Variants in PRR12 observed in about 807,000 individuals in gnomAD.
PRR12 encodes proline-rich protein 12.
PRR12 carries 12 observed loss-of-function variants against 138.0 expected under a neutral mutation model. The observed-to-expected ratio is 0.09, with a 90% CI of 0.06 to 0.14. PRR12 has a LOEUF of 0.14. PRR12 is among the 10% of genes least tolerant of loss of function. The pLI is 1.00. For missense variants in PRR12, 2,692 were observed against 2,861.3 expected (o/e 0.94, Z 1.35); for synonymous variants, 1,567 against 1,291.7 (o/e 1.21, Z -4.57).
At chr19:49,606,353 C>G (rs1482735336) in intron 6 of PRR12, among the ~76,000 whole-genome samples, 1 of 151,100 alleles carries the variant, frequency 6.6e-6, no homozygotes, top group African/African-American at 2.4e-5. Flanking sequence ...AGTCTGTCTC[C>G]CAGGGTGGAG....
In PRR12 at chr19:49,597,279, C is replaced by T. The variant is rs887263382; in HGVS notation, c.2944C>T (p.Pro982Ser). 2 of 1,564,728 alleles carry T rather than the reference C, an allele frequency of 1.3e-6. No homozygotes were observed. Among genetic ancestry groups the T allele is most frequent in the South Asian group, 1.2e-5 (1 of 85,330 alleles). ...CCCCAAGGCTGGCGCTGGGCCACCC[C>T]CCGGCCCCCCTGCTTATGATCCCTA... ...GDPKAGAGPP[P>S]GPPAYDPYGP... Residue 982 changes from proline to serine, a missense_variant, in exon 4 of 14, where the codon CCC becomes TCC. Pro to Ser is a moderately conservative substitution (Grantham distance 74). Transcript: ENST00000418929. The surrounding 1 kb of genome is among the most constrained non-coding windows in gnomAD (Gnocchi z 6.3).
rs181265966 is a variant in PRR12, at chr19:49,596,935, G to T, written c.2600G>T (p.Arg867Leu). 1.5e-6 allele frequency: 2 copies of T among 1,321,096 alleles called. No homozygotes were observed. Among genetic ancestry groups the T allele is most frequent in the Non-Finnish European group, 9.9e-7 (1 of 1,010,198 alleles). 81.8% of individuals were successfully genotyped at this position (1,321,096 alleles called of 1,614,324 possible). ...HGLEPAAPSP[R>L]LRPEESLDPP... ...CTGGAGCCCGCGGCCCCCAGCCCCC[G>T]CCTGCGACCCGAGGAGAGCCTGGAT... Residue 867 changes from arginine to leucine, a missense_variant, in exon 4 of 14, where the codon CGC becomes CTC. This residue lies in a region of PRR12 where 840 missense variants were observed against 689.8 expected (regional missense o/e 1.22). Coordinates refer to ENST00000418929, the MANE Select transcript of PRR12 (RefSeq NM_020719.3). This position sits in a 1 kb window ranked among gnomAD's most constrained non-coding sequence, Gnocchi z 5.6.
chr19:49,596,960 T>C lies in PRR12; in HGVS notation c.2625T>C (p.Asp875=). 6.4e-7 allele frequency: 1 copy of C among 1,551,846 alleles called. No homozygotes were observed. The highest frequency in any genetic ancestry group is 8.7e-7 in the Non-Finnish European group (1 of 1,153,588). The change falls in exon 4 of 14, where the codon GAT becomes GAC. Residue 875 remains aspartate (D), a synonymous_variant. Transcript: ENST00000418929. This position sits in a 1 kb window ranked among gnomAD's most constrained non-coding sequence, Gnocchi z 5.6. ...GCCTGCGACCCGAGGAGAGCCTGGATCCGCCAGGCGCCATGCAGGAATTGC... is the reference window on the plus strand; with the variant it reads ...GCCTGCGACCCGAGGAGAGCCTGGACCCGCCAGGCGCCATGCAGGAATTGC... ...SPRLRPEESL[D]PPGAMQELLG... is the part of the protein sequence containing the mutation.
At chr19:49,593,294 A>G (rs2080741402) in intron 1 of PRR12, 33 bp from the exon 2 acceptor site, 1 of 1,057,494 alleles carries the variant, frequency 9.5e-7, no homozygotes, top group Admixed American at 2.2e-5. Flanking sequence ...GGCAGCTTGG[A>G]AGAACCCCCT....
Position 49,591,447 on chromosome 19 carries a change from C to T in PRR12, c.-208C>T, listed in dbSNP as rs1483555973. On this transcript the variant is annotated 5_prime_UTR_variant, in exon 1 of 14. Transcript: ENST00000418929. Reference sequence around the variant, plus strand: ...TTCCTTGGCTCAGCGACTGCACCCCCTCCCTTGCCCGCCCCTCCGCCCCTG... The same window carrying T: ...TTCCTTGGCTCAGCGACTGCACCCCTTCCCTTGCCCGCCCCTCCGCCCCTG... 6.7e-6 allele frequency among the ~76,000 whole-genome samples: 1 copy of T among 149,760 alleles called. No individual in the cohort carries two copies.
chr19:49,599,858 C>T lies in PRR12; in HGVS notation c.4265C>T (p.Pro1422Leu), dbSNP rs377189669. ...AAAGACACTTCCACCCCAGATGGGC[C>T]GCCCTTGGCCCCCGCGGCTGCAGTT... ...GPKDTSTPDG[P>L]PLAPAAAVPG... is the part of the protein sequence containing the mutation. Residue 1422 changes from proline to leucine, a missense_variant, in exon 5 of 14, where the codon CCG becomes CTG. Pro to Leu is a moderately conservative substitution (Grantham distance 98). Around this residue, in one of 11 missense-constraint regions of PRR12, gnomAD observed 231 missense variants for 200.8 expected, o/e 1.15. Coordinates refer to ENST00000418929, the MANE Select transcript of PRR12 (RefSeq NM_020719.3). This position sits in a 1 kb window ranked among gnomAD's most constrained non-coding sequence, Gnocchi z 5.0. 1.8e-4 allele frequency: 290 copies of T among 1,612,994 alleles called. No homozygotes were observed. The highest frequency in any genetic ancestry group is 2.2e-4 in the Non-Finnish European group (254 of 1,179,854).
At chr19:49,591,917 A>G (rs1275940889) in intron 1 of PRR12, among the ~76,000 whole-genome samples, 177 bp downstream of exon 1, 1 of 151,970 alleles carries the variant, frequency 6.6e-6, no homozygotes, top group Non-Finnish European at 1.5e-5. Context: ...GCAAATTGCA[A>G]ACTCCGCCAA....
intron 6 of PRR12, among the ~76,000 whole-genome samples, chr19:49,610,114 A>T (rs2080858293): frequency 6.6e-6 from 1 of 151,860 alleles, no homozygotes; most frequent in South Asian, 2.1e-4. Context: ...AGCTGGGATT[A>T]CAGGCGCCTG....
intron 6 of PRR12, among the ~76,000 whole-genome samples, chr19:49,605,678 C>CCCATT (rs1461997927): frequency 6.6e-6 from 1 of 152,236 alleles, no homozygotes; most frequent in Non-Finnish European, 1.5e-5. Flanking sequence ...TTTGACCATC[C>CCCATT]CCATTTTACA....
intron 2 of PRR12, among the ~76,000 whole-genome samples, 159 bp downstream of exon 2, chr19:49,593,598 G>C (rs1216686745): frequency 6.6e-6 from 1 of 151,888 alleles, no homozygotes; most frequent in African/African-American, 2.4e-5. Flanking sequence ...TGAGGCTGCT[G>C]GTCGCTGCTT....
chr19:49,607,361 G>GCGCA (rs1555742564), intron 6 of PRR12, among the ~76,000 whole-genome samples: 65 of 147,862 alleles, frequency 4.4e-4, no homozygotes, highest in African/African-American at 1.6e-3. Flanking sequence ...ATGTACGTGT[G>GCGCA]CACACACACA....
intron 5 of PRR12, 97 bp downstream of exon 5, chr19:49,600,035 T>TGTATGTGAATGGTGTC: frequency 2.4e-6 from 3 of 1,261,724 alleles, no homozygotes; most frequent in Non-Finnish European, 3.2e-6. Flanking sequence ...AGAGACACCA[T>TGTATGTGAATGGTGTC]TCACATACAT....
rs766362975 is a variant in PRR12, at chr19:49,599,536, C to A, written c.3943C>A (p.Pro1315Thr). The A allele has an allele frequency of 1.3e-5, 21 of 1,596,694 alleles. No individual in the cohort carries two copies. In the African/African-American group the frequency reaches 1.9e-4, roughly 14 times the overall value. The change falls in exon 5 of 14, where the codon CCC becomes ACC. Residue 1315 changes from proline to threonine, a missense_variant. By Grantham distance (38) the Pro-to-Thr change is conservative. Transcript: ENST00000418929. This position sits in a 1 kb window ranked among gnomAD's most constrained non-coding sequence, Gnocchi z 5.0. ...GCTCAGCCCTCCCAAGAGTGTGCCA[C>A]CCTCTGTGCCAGCCCGAGGCCTGCA... is the stretch of plus-strand genomic sequence containing the variant. ...PPLSPPKSVP[P>T]SVPARGLQPQ...
Position 49,594,962 on chromosome 19 carries a change from A to G in PRR12, c.627A>G (p.Ala209=). 1 of 1,600,312 alleles carries G rather than the reference A, an allele frequency of 6.2e-7. No homozygotes were observed. The highest frequency in any genetic ancestry group is 8.5e-7 in the Non-Finnish European group (1 of 1,174,728). ...VPSSLGFERL[A]GGGVLGPAGL... ...CTTCACTGGGCTTCGAGCGCCTGGC[A>G]GGGGGCGGTGTCTTGGGGCCAGCTG... The change falls in exon 4 of 14, where the codon GCA becomes GCG. Residue 209 remains alanine (A), a synonymous_variant. Transcript: ENST00000418929. The surrounding 1 kb of genome is among the most constrained non-coding windows in gnomAD (Gnocchi z 5.6).
At chr19:49,623,645 AAAG>A (rs1013225700) in intron 11 of PRR12, among the ~76,000 whole-genome samples, 3 of 151,928 alleles carry the variant, frequency 2.0e-5, no homozygotes, top group African/African-American at 7.3e-5. Context: ...AAAAAAAAAA[AAAG>A]AATTCTGGGG....
In PRR12 at chr19:49,603,385, G is replaced by A. The variant is rs562870393; in HGVS notation, c.4773+1467G>A. 7.8e-4 allele frequency among the ~76,000 whole-genome samples: 119 copies of A among 152,306 alleles called. 1 individual carries two copies. Among genetic ancestry groups the A allele is most frequent in the African/African-American group, 2.4e-3 (98 of 41,562 alleles). ...ATACAGGATTATTGTTTGGCCCTTC[G>A]TGTACAGTGTGACATTTAATCTTGG... On this transcript the variant is annotated intron_variant, in intron 6 of 13. Transcript: ENST00000418929.
At position 49,595,246 on chromosome 19, in the gene PRR12, C is replaced by T. The variant is rs866214872; in HGVS notation, c.911C>T (p.Pro304Leu). Residue 304 changes from proline (P) to leucine (L), a missense_variant, in exon 4 of 14, where the codon CCG (proline) becomes CTG (leucine). Physicochemically the swap from Pro to Leu is moderately conservative, Grantham distance 98. This residue lies in a region of PRR12 where 523 missense variants were observed against 496.4 expected (regional missense o/e 1.05). Transcript: ENST00000418929. The stretch of plus-strand genomic sequence containing the variant: ...GCCAGTGCCCAGCCCCCACCACCCC[C>T]GCCACCAGCCCATGCGCTCCAGCAC... ...RPASAQPPPP[P>L]PPAHALQHYL... 18 of 1,545,512 alleles carry T rather than the reference C, an allele frequency of 1.2e-5. No individual in the cohort carries two copies. Among genetic ancestry groups the T allele is most frequent in the East Asian group, 2.4e-5 (1 of 40,926 alleles).
In PRR12 at chr19:49,615,007, C is replaced by A; in HGVS notation, c.5022C>A (p.Val1674=). Residue 1674 remains valine, a splice_region_variant and synonymous_variant, in exon 8 of 14, where the codon GTC becomes GTA. Transcript: ENST00000418929. Reference sequence around the variant, plus strand: ...CCTGGCATCGGCCCCCAGTGCCAGTCAGGTACCAACCATGGGGGACACAGG... The same window carrying A: ...CCTGGCATCGGCCCCCAGTGCCAGTAAGGTACCAACCATGGGGGACACAGG... ...RKPWHRPPVP[V]RRSGQAKNPV... 6.2e-7 allele frequency: 1 copy of A among 1,613,864 alleles called. No homozygotes were observed. Among genetic ancestry groups the A allele is most frequent in the South Asian group, 1.1e-5 (1 of 91,070 alleles).
chr19:49,600,777 C>T (rs1006269654), intron 5 of PRR12, among the ~76,000 whole-genome samples: 2 of 151,988 alleles, frequency 1.3e-5, no homozygotes, highest in African/African-American at 4.8e-5. Flanking sequence ...TCTTGGCTCA[C>T]TGCAACCTCT....
Sources: allele counts gnomAD v4.1 joint callset (sites outside exome capture counted in the v4.1 genomes callset), GRCh38; gene constraint gnomAD v4.1.1; regional missense constraint gnomAD v4.1.1; non-coding constraint Gnocchi (gnomAD v3.1); transcripts MANE v1.5; gene names NCBI Gene and HGNC (gene_info 2026-07-23, HGNC 2026-07-21).